GABRB3: variants seen among roughly 807,000 people sequenced by gnomAD.
The protein encoded by GABRB3 is gamma-aminobutyric acid type A receptor subunit beta3.
Under a neutral mutation model 52.1 loss-of-function variants are expected in GABRB3, and 14 were observed. The observed-to-expected ratio is 0.27, with a 90% CI of 0.18 to 0.42. GABRB3 has a LOEUF of 0.42. Among genes scored for constraint, GABRB3 ranks in the 10% least tolerant of loss-of-function variants. GABRB3 has a pLI of 1.00. For synonymous variants in GABRB3, 260 were observed against 232.3 expected (o/e 1.12, Z -1.08); for missense variants, 307 against 609.1 (o/e 0.50, Z 5.22).
chr15:26,590,432 C>T lies in GABRB3; in HGVS notation c.462-7018G>A, dbSNP rs77098318. Among the ~76,000 whole-genome samples, 357 of 152,262 alleles carry T rather than the reference C, an allele frequency of 2.3e-3. 9 individuals carry two copies. Among genetic ancestry groups the T allele is most frequent in the Admixed American group, 0.017 (259 of 15,298 alleles). On this transcript the variant is annotated intron_variant, in intron 4 of 8. Coordinates refer to ENST00000311550, the MANE Select transcript of GABRB3 (RefSeq NM_000814.6). ...CATTTGGCCCTTTGCAGTCACCCTACGGCAACTCACTCTCATCTTCATTCA... is the reference window on the plus strand; with the variant it reads ...CATTTGGCCCTTTGCAGTCACCCTATGGCAACTCACTCTCATCTTCATTCA...
At chr15:26,602,289 T>G (rs543593966) in intron 4 of GABRB3, among the ~76,000 whole-genome samples, 19 of 152,086 alleles carry the variant, frequency 1.2e-4, no homozygotes, top group Admixed American at 3.3e-4. Context: ...AAGAGAGAGA[T>G]AGGCGTCCTT....
chr15:26,691,234 AAT>A (rs1486911476), intron 3 of GABRB3, among the ~76,000 whole-genome samples: 3 of 152,024 alleles, frequency 2.0e-5, no homozygotes, highest in African/African-American at 4.8e-5. Flanking sequence ...TCCCCTTTTT[AAT>A]ATATGAGTTT....
intron 3 of GABRB3, among the ~76,000 whole-genome samples, chr15:26,627,160 C>T (rs1273757149): frequency 1.3e-5 from 2 of 152,138 alleles, no homozygotes; most frequent in African/African-American, 2.4e-5. Flanking sequence ...TGGGTGTCAA[C>T]ACGTTTACAA....
chr15:26,580,307 T>C lies in GABRB3; in HGVS notation c.682+12A>G. The C allele has an allele frequency of 6.2e-7, 1 of 1,614,144 alleles. No homozygotes were observed. On this transcript the variant is annotated intron_variant, in intron 6 of 8. Coordinates refer to ENST00000311550, the MANE Select transcript of GABRB3 (RefSeq NM_000814.6). ...TGCCCCTGAAGGGACTATAAGTGGA[T>C]GCAGGACTCACCTGTGGCGAAGACA...
intron 3 of GABRB3, among the ~76,000 whole-genome samples, chr15:26,637,327 C>T (rs529381552): frequency 4.6e-5 from 7 of 151,700 alleles, no homozygotes; most frequent in South Asian, 2.1e-4. Flanking sequence ...AGTGGCAACC[C>T]GCACCCTCTA....
chr15:26,564,168 A>G (rs1890082404), intron 7 of GABRB3, among the ~76,000 whole-genome samples: 1 of 152,140 alleles, frequency 6.6e-6, no homozygotes, highest in African/African-American at 2.4e-5. Flanking sequence ...TTTTTGGATT[A>G]GGGATGCTCA....
intron 7 of GABRB3, among the ~76,000 whole-genome samples, chr15:26,562,405 T>C (rs1052170946): frequency 6.6e-6 from 1 of 152,200 alleles, no homozygotes; most frequent in African/African-American, 2.4e-5. Flanking sequence ...TTTGTCAGGC[T>C]TCCCTGAAAA....
intron 3 of GABRB3, among the ~76,000 whole-genome samples, chr15:26,623,582 T>A (rs1020248907): frequency 2.6e-5 from 4 of 152,184 alleles, no homozygotes; most frequent in Non-Finnish European, 5.9e-5. Flanking sequence ...CTTTTATTTT[T>A]TATACCTATT....
chr15:26,698,573 T>A (rs916531067), intron 3 of GABRB3, among the ~76,000 whole-genome samples: 1 of 151,950 alleles, frequency 6.6e-6, no homozygotes, highest in Non-Finnish European at 1.5e-5. Context: ...AGAGAAAAAA[T>A]TTTAATGACA....
At chr15:26,707,442 T>C (rs1441996724) in intron 3 of GABRB3, among the ~76,000 whole-genome samples, 3 of 151,998 alleles carry the variant, frequency 2.0e-5, no homozygotes, top group Non-Finnish European at 4.4e-5. Context: ...ACTTGAAAAA[T>C]ATCTAGGATA....
At chr15:26,747,986 A>C (rs1432444922) in intron 3 of GABRB3, among the ~76,000 whole-genome samples, 1 of 27,716 alleles carries the variant, frequency 3.6e-5, no homozygotes, top group Admixed American at 3.8e-4. Context: ...TTTGCCTACA[A>C]TTTTTTTCTT....
chr15:26,723,981 G>A (rs117280013), intron 3 of GABRB3, among the ~76,000 whole-genome samples: 4,264 of 152,218 alleles, frequency 0.028, 90 homozygotes, highest in Non-Finnish European at 0.042. Context: ...CCTCAGCAGG[G>A]AACCTCATAA....
intron 4 of GABRB3, chr15:26,615,275 T>C: frequency 3.0e-6 from 3 of 985,288 alleles, no homozygotes; most frequent in Non-Finnish European, 3.6e-6. Context: ...GTTCCTTAAA[T>C]GGTTTGACTG....
chr15:26,752,812 C>T (rs940856793), intron 3 of GABRB3, among the ~76,000 whole-genome samples: 2 of 152,114 alleles, frequency 1.3e-5, no homozygotes, highest in Non-Finnish European at 2.9e-5. Context: ...CAGTAGCTCT[C>T]CAGAGCATCC....
intron 3 of GABRB3, among the ~76,000 whole-genome samples, chr15:26,625,844 T>C (rs913413650): frequency 1.3e-5 from 2 of 152,112 alleles, no homozygotes; most frequent in South Asian, 2.1e-4. Context: ...ACTGTTGATA[T>C]CGTTTACAGA....
rs1465147068 is a variant in GABRB3, at chr15:26,634,991, TATATATATATATATATATA to T, written c.241-13476_241-13458del. Among the ~76,000 whole-genome samples, 65 of 4,954 alleles carry T rather than the reference TATATATATATATATATATA, an allele frequency of 0.013. 4 individuals are homozygous for T. In the South Asian group the frequency reaches 0.41, roughly 31 times the overall value. 3.3% of individuals were successfully genotyped at this position (4,954 alleles called of 152,430 possible). ...AGAGATATATGTATCTCTAAATATA[TATATATATATATATATATA>T]ATATATATATATTTAGAGAGGAAGA... On this transcript the variant is annotated intron_variant, in intron 3 of 8. Coordinates refer to ENST00000311550, the MANE Select transcript of GABRB3 (RefSeq NM_000814.6).
At chr15:26,692,780 T>G (rs988057103) in intron 3 of GABRB3, among the ~76,000 whole-genome samples, 2 of 151,890 alleles carry the variant, frequency 1.3e-5, no homozygotes, top group Non-Finnish European at 2.9e-5. Flanking sequence ...GATAATGGTA[T>G]AGTATAAATG....
intron 3 of GABRB3, among the ~76,000 whole-genome samples, chr15:26,637,581 G>T (rs183391467): frequency 6.6e-6 from 1 of 152,134 alleles, no homozygotes; most frequent in Non-Finnish European, 1.5e-5. Context: ...GGTTGTTGGT[G>T]TGTCCCTTCA....
In GABRB3 at chr15:26,561,032, A is replaced by G; in HGVS notation, c.980T>C (p.Val327Ala). The G allele has an allele frequency of 6.2e-7, 1 of 1,614,096 alleles. No homozygotes were observed. The highest frequency in any genetic ancestry group is 1.3e-5 in the African/African-American group (1 of 75,002). ...VFLALLEYAF[V>A]NYIFFGRGPQ... ...GCCTCTTCCAAAGAAAATGTAGTTGACAAAGGCATACTCCAGAAGGGCCAG... is the reference window on the plus strand; with the variant it reads ...GCCTCTTCCAAAGAAAATGTAGTTGGCAAAGGCATACTCCAGAAGGGCCAG... Residue 327 changes from valine (V) to alanine (A), a missense_variant, in exon 8 of 9, where the codon GTC (valine) becomes GCC (alanine). This residue lies in a region of GABRB3 where 32 missense variants were observed against 147.8 expected (regional missense o/e 0.22). Transcript: ENST00000311550.
Sources: gnomAD v4.1 joint callset for allele counts (sites outside exome capture counted in the v4.1 genomes callset) on GRCh38, gnomAD v4.1.1 for gene constraint, gnomAD v4.1.1 regional missense constraint, MANE v1.5 for transcripts, NCBI Gene and HGNC (gene_info 2026-07-23, HGNC 2026-07-21) for gene names.